Variants in CTNNA3 observed in about 807,000 individuals in gnomAD.
CTNNA3 encodes catenin alpha-3.
In CTNNA3, 76 loss-of-function variants were observed where a neutral mutation model predicts 95.7. The observed-to-expected ratio is 0.79, with a 90% CI of 0.66 to 0.96. The LOEUF (loss-of-function observed/expected upper bound fraction) is 0.96, where lower values mean the gene tolerates loss of function less well. CTNNA3 is among the 40% of genes least tolerant of loss of function. The pLI, the probability that CTNNA3 is intolerant of heterozygous loss-of-function variation, is 0.00. For missense variants in CTNNA3, 1,191 were observed against 1,089.8 expected (o/e 1.09, Z -1.31); for synonymous variants, 431 against 374.4 (o/e 1.15, Z -1.74).
intron 5 of CTNNA3, among the ~76,000 whole-genome samples, chr10:67,320,718 A>C (rs1364993694): frequency 1.3e-5 from 2 of 152,224 alleles, no homozygotes; most frequent in Admixed American, 6.5e-5. Flanking sequence ...TGTGCAAGAC[A>C]CTGGGCTACA....
chr10:67,574,620 G>A lies in CTNNA3; in HGVS notation c.292+32237C>T, dbSNP rs1320634454. Among the ~76,000 whole-genome samples, 14 of 133,964 alleles carry A rather than the reference G, an allele frequency of 1.0e-4. 1 individual carries two copies. The highest frequency in any genetic ancestry group is 7.1e-4 in the South Asian group (3 of 4,232). The allele number at this position is 133,964 out of a possible 152,430, so 87.9% of individuals were successfully genotyped here. A position where few individuals can be genotyped will look rare whatever the true frequency, so the allele number is the denominator to read the frequency against. ...TTTTGAGACGGAGTCTCCCACTGTCGCCCAGGCTGGAGTGCAGTGGTGCGA... is the reference window on the plus strand; with the variant it reads ...TTTTGAGACGGAGTCTCCCACTGTCACCCAGGCTGGAGTGCAGTGGTGCGA... On this transcript the variant is annotated intron_variant, in intron 3 of 17. Transcript: ENST00000433211.
chr10:66,670,762 G>A lies in CTNNA3; in HGVS notation c.1282-48978C>T, dbSNP rs551971913. On this transcript the variant is annotated intron_variant, in intron 9 of 17. Coordinates refer to ENST00000433211, the MANE Select transcript of CTNNA3 (RefSeq NM_013266.4). Reference sequence around the variant, plus strand: ...TAGGTTAGCATTTGATTATAACCAGGAATGGGAATCTTGCAGAGACATCTG... The same window carrying A: ...TAGGTTAGCATTTGATTATAACCAGAAATGGGAATCTTGCAGAGACATCTG... Among the ~76,000 whole-genome samples the A allele has an allele frequency of 2.0e-5, 3 of 152,264 alleles. No homozygotes were observed. In the East Asian group the frequency reaches 5.8e-4, roughly 29 times the overall value.
chr10:66,553,128 G>A (rs1589414805), intron 10 of CTNNA3, among the ~76,000 whole-genome samples: 2 of 151,984 alleles, frequency 1.3e-5, no homozygotes, highest in East Asian at 3.9e-4. Context: ...TATTTGCATG[G>A]TATATATTTT....
intron 3 of CTNNA3, among the ~76,000 whole-genome samples, chr10:67,549,510 T>A (rs998672800): frequency 4.6e-5 from 7 of 152,190 alleles, no homozygotes; most frequent in African/African-American, 1.7e-4. Flanking sequence ...CCTTTCTTTT[T>A]ACTTTTCCCA....
At chr10:66,718,081 TTA>T in intron 9 of CTNNA3, among the ~76,000 whole-genome samples, 1 of 152,134 alleles carries the variant, frequency 6.6e-6, no homozygotes, top group Non-Finnish European at 1.5e-5. Context: ...CACCAAACTT[TTA>T]TAGTTTCTGT....
chr10:67,393,019 C>T (rs1844568002), intron 5 of CTNNA3, among the ~76,000 whole-genome samples: 1 of 151,272 alleles, frequency 6.6e-6, no homozygotes, highest in African/African-American at 2.4e-5. Flanking sequence ...AACTAGCCTG[C>T]ACAATGTACA....
At chr10:66,448,185 T>C (rs7393846) in intron 11 of CTNNA3, among the ~76,000 whole-genome samples, 57,883 of 151,722 alleles carry the variant, frequency 0.38, 11,583 homozygotes, top group African/African-American at 0.5. Context: ...CAACAGGTGC[T>C]GGAGAGGATG....
chr10:66,179,676 T>G (rs1451904444), intron 13 of CTNNA3, among the ~76,000 whole-genome samples: 1 of 152,112 alleles, frequency 6.6e-6, no homozygotes, highest in African/African-American at 2.4e-5. Context: ...TCTAGGTTTT[T>G]GAGATTTTTT....
chr10:66,402,513 T>C (rs968860484), intron 11 of CTNNA3, among the ~76,000 whole-genome samples: 6 of 152,194 alleles, frequency 3.9e-5, no homozygotes, highest in Non-Finnish European at 7.3e-5. Context: ...ATTTTCAGTT[T>C]ACTCATATGT....
chr10:67,205,435 A>C (rs1307569875), intron 6 of CTNNA3, among the ~76,000 whole-genome samples: 2 of 151,812 alleles, frequency 1.3e-5, no homozygotes, highest in African/African-American at 4.8e-5. Flanking sequence ...CAAAATTGCA[A>C]ACTCTCATAT....
chr10:66,450,300 C>G (rs1215899591), intron 11 of CTNNA3, among the ~76,000 whole-genome samples: 1 of 152,008 alleles, frequency 6.6e-6, no homozygotes, highest in Non-Finnish European at 1.5e-5. Context: ...AATAAAAACA[C>G]TTTGTTTGGA....
intron 12 of CTNNA3, among the ~76,000 whole-genome samples, chr10:66,292,120 TC>T (rs2091693255): frequency 6.6e-6 from 1 of 151,780 alleles, no homozygotes; most frequent in Non-Finnish European, 1.5e-5. Context: ...CACATATATA[TC>T]ATTTATGTGT....
intron 13 of CTNNA3, among the ~76,000 whole-genome samples, chr10:66,152,989 C>CATAG (rs1233753174): frequency 6.6e-6 from 1 of 151,898 alleles, no homozygotes; most frequent in African/African-American, 2.4e-5. Flanking sequence ...AATATTATCT[C>CATAG]ATAGACAACT....
At chr10:66,817,129 A>G (rs1452753889) in intron 7 of CTNNA3, among the ~76,000 whole-genome samples, 2 of 152,030 alleles carry the variant, frequency 1.3e-5, no homozygotes, top group Non-Finnish European at 2.9e-5. Flanking sequence ...TATACTGCTC[A>G]GGTGATGGAT....
chr10:66,374,688 C>T (rs1216149045), intron 12 of CTNNA3, among the ~76,000 whole-genome samples: 1 of 143,560 alleles, frequency 7.0e-6, no homozygotes, highest in Non-Finnish European at 1.5e-5. Context: ...GATCTCAGCT[C>T]ACTGCAACCT....
chr10:66,642,952 C>A (rs950116375), intron 9 of CTNNA3, among the ~76,000 whole-genome samples: 2 of 152,068 alleles, frequency 1.3e-5, no homozygotes, highest in African/African-American at 2.4e-5. Flanking sequence ...CTAAAAAGAC[C>A]TTTTCAAATC....
chr10:66,581,695 G>T (rs953155984), intron 10 of CTNNA3, among the ~76,000 whole-genome samples: 1 of 151,440 alleles, frequency 6.6e-6, no homozygotes, highest in Non-Finnish European at 1.5e-5. Flanking sequence ...GCTTTTAGGG[G>T]TCTTAGTTAT....
intron 5 of CTNNA3, among the ~76,000 whole-genome samples, chr10:67,320,272 GA>G (rs914057175): frequency 5.9e-5 from 9 of 152,130 alleles, no homozygotes; most frequent in Non-Finnish European, 5.9e-5. Flanking sequence ...AAATTTTAAA[GA>G]GGAAATTAGA....
intron 12 of CTNNA3, among the ~76,000 whole-genome samples, chr10:66,334,870 A>G (rs758215343): frequency 6.6e-6 from 1 of 152,206 alleles, no homozygotes; most frequent in South Asian, 2.1e-4. Flanking sequence ...AGGTACACCA[A>G]TCAGACGTAG....
Sources: gnomAD v4.1 joint callset for allele counts (sites outside exome capture counted in the v4.1 genomes callset) on GRCh38, gnomAD v4.1.1 for gene constraint, MANE v1.5 for transcripts, NCBI Gene and HGNC (gene_info 2026-07-23, HGNC 2026-07-21) for gene names.